Variants in COL18A1 observed in about 807,000 individuals in gnomAD.
COL18A1 encodes collagen alpha-1(XVIII) chain.
Under a neutral mutation model 168.0 loss-of-function variants are expected in COL18A1, and 133 were observed. That is an observed-to-expected ratio of 0.79 (90% CI 0.69 to 0.91). The LOEUF is 0.91. COL18A1 is among the 40% of genes least tolerant of loss of function. The pLI, the probability that COL18A1 is intolerant of heterozygous loss-of-function variation, is 0.00. For synonymous variants in COL18A1, 949 were observed against 809.0 expected (o/e 1.17, Z -2.94); for missense variants, 2,126 against 1,925.4 (o/e 1.10, Z -1.95).
At chr21:45,483,664 C>T (rs962440501) in intron 15 of COL18A1, among the ~76,000 whole-genome samples, 1 of 144,630 alleles carries the variant, frequency 6.9e-6, no homozygotes. Flanking sequence ...TCCAAAACGT[C>T]AGGAGCTCCT....
In COL18A1 at chr21:45,497,605, A is replaced by AG; in HGVS notation, c.2630dup (p.Pro879SerfsTer22). The AG allele has an allele frequency of 1.3e-6, 2 of 1,562,422 alleles. No individual in the cohort carries two copies. Among genetic ancestry groups the AG allele is most frequent in the Non-Finnish European group, 1.7e-6 (2 of 1,153,766 alleles). ...TGGGTCTCTCTTCCTCCAGGGAATC[A>AG]GGGCCCTCCAGGACCCAAGGGCGCC... On this transcript the variant is annotated frameshift_variant, in exon 32 of 42. Transcript: ENST00000651438. LOFTEE classifies it high-confidence loss of function.
intron 37 of COL18A1, 164 bp from the exon 38 acceptor site, chr21:45,507,397 T>G: frequency 1.9e-6 from 1 of 524,168 alleles, no homozygotes; most frequent in Non-Finnish European, 3.2e-6. Context: ...GCAGGGAGCG[T>G]ACCCTGGCAC....
At chr21:45,472,225 T>G (rs2035458795) in intron 3 of COL18A1, among the ~76,000 whole-genome samples, 1 of 151,562 alleles carries the variant, frequency 6.6e-6, no homozygotes, top group African/African-American at 2.4e-5. Context: ...GCAGTTTTTT[T>G]TTTTTGTTTT....
intron 29 of COL18A1, 126 bp from the exon 30 acceptor site, chr21:45,496,373 GT>G: frequency 1.3e-6 from 1 of 761,474 alleles, no homozygotes; most frequent in Non-Finnish European, 2.4e-6. Flanking sequence ...TGCATTCTCG[GT>G]TTTGCCTGGT....
rs1182185761 is a variant in COL18A1, at chr21:45,490,306, TC to T, written c.1995del (p.Gly666AlafsTer58). 1 of 1,587,644 alleles carries T rather than the reference TC, an allele frequency of 6.3e-7. No individual in the cohort carries two copies. Among genetic ancestry groups the T allele is most frequent in the South Asian group, 1.1e-5 (1 of 87,296 alleles). On this transcript the variant is annotated frameshift_variant, in exon 20 of 42. Transcript: ENST00000651438. LOFTEE classifies it high-confidence loss of function. ...GEVGADGVPGFPGLPGREGIA... is the reference protein window; with the variant it reads ...GEVGADGVPGXPGLPGREGIA... ...GTTGGAGCAGATGGAGTCCCCGGGT[TC>T]CCCGGCCTCCCTGGCAGAGAGGGCA...
At chr21:45,486,813 C>A in intron 15 of COL18A1, 48 bp from the exon 16 acceptor site, 1 of 1,524,652 alleles carries the variant, frequency 6.6e-7, no homozygotes, top group South Asian at 1.2e-5. Context: ...GTTGCAGGGC[C>A]AGCGGGGGCT....
chr21:45,500,278 AGTG>A lies in COL18A1; in HGVS notation c.2683+2619_2683+2621del, dbSNP rs1448729565. Among the ~76,000 whole-genome samples the A allele has an allele frequency of 2.5e-4, 4 of 16,110 alleles. No individual in the cohort carries two copies. In the East Asian group the frequency reaches 4.7e-3, roughly 19 times the overall value. 10.6% of individuals were successfully genotyped at this position (16,110 alleles called of 152,430 possible). A position where few individuals can be genotyped will look rare whatever the true frequency, so the allele number is the denominator to read the frequency against. On this transcript the variant is annotated intron_variant, in intron 32 of 41. Coordinates refer to ENST00000651438, the MANE Select transcript of COL18A1 (RefSeq NM_001379500.1). ...GTGCATATGTGGGTGTTGGGTGTGT[AGTG>A]GGGGTGTGTGGAGTGTATATGTGGG...
chr21:45,499,842 CAT>C (rs1336603786), intron 32 of COL18A1, among the ~76,000 whole-genome samples: 1 of 152,104 alleles, frequency 6.6e-6, no homozygotes, highest in East Asian at 1.9e-4. Context: ...GAAGGCAAAA[CAT>C]GAGAGAAAAA....
chr21:45,433,412 G>C (rs1453071414), intron 2 of COL18A1, among the ~76,000 whole-genome samples: 1 of 152,208 alleles, frequency 6.6e-6, no homozygotes, highest in East Asian at 1.9e-4. Context: ...CTTTGTGTGC[G>C]TCTGTGCCTG....
chr21:45,417,080 T>C (rs1602338434), intron 2 of COL18A1, among the ~76,000 whole-genome samples: 1 of 152,200 alleles, frequency 6.6e-6, no homozygotes, highest in East Asian at 1.9e-4. Context: ...TCGGTGTTCT[T>C]GGTTGCTTTT....
At chr21:45,503,710 A>T (rs372815086) in intron 32 of COL18A1, among the ~76,000 whole-genome samples, 21 of 151,756 alleles carry the variant, frequency 1.4e-4, no homozygotes, top group East Asian at 7.8e-4. Flanking sequence ...TGGGTGCAGC[A>T]CACCAGCATG....
intron 2 of COL18A1, among the ~76,000 whole-genome samples, chr21:45,436,959 G>A (rs1300402480): frequency 1.3e-5 from 2 of 151,968 alleles, no homozygotes; most frequent in East Asian, 1.9e-4. Flanking sequence ...TGGCTGGGGA[G>A]CAGCTGGCTG....
chr21:45,501,913 C>T (rs36192329), intron 32 of COL18A1, among the ~76,000 whole-genome samples: 75 of 97,694 alleles, frequency 7.7e-4, no homozygotes, highest in South Asian at 1.1e-3. Flanking sequence ...CCCAGGGGCT[C>T]CACAGCCGGT....
rs1157298623 is a variant in COL18A1, at chr21:45,457,236, C to T, written c.107-11006C>T. Reference sequence around the variant, plus strand: ...GGCGTGGGGCAGTGGCGTGACTCACCCCAGGGAGCCGAGATTCCCGCTCAG... The same window carrying T: ...GGCGTGGGGCAGTGGCGTGACTCACTCCAGGGAGCCGAGATTCCCGCTCAG... On this transcript the variant is annotated intron_variant, in intron 2 of 41. Coordinates refer to ENST00000651438, the MANE Select transcript of COL18A1 (RefSeq NM_001379500.1). The surrounding 1 kb of genome is among the most constrained non-coding windows in gnomAD (Gnocchi z 4.6). Among the ~76,000 whole-genome samples, 2 of 152,186 alleles carry T rather than the reference C, an allele frequency of 1.3e-5. No homozygotes were observed. Among genetic ancestry groups the T allele is most frequent in the Admixed American group, 1.3e-4 (2 of 15,282 alleles).
At chr21:45,491,379 C>T (rs187963648) in intron 22 of COL18A1, 65 bp downstream of exon 22, 15,685 of 762,294 alleles carry the variant, frequency 0.021, 203 homozygotes, top group Non-Finnish European at 0.025. Context: ...AGAGATCCCT[C>T]CCCGAGCCCC....
rs1164139386 is a variant in COL18A1, at chr21:45,513,717, C to T, written c.*1319C>T. The T allele has an allele frequency of 6.6e-6, 1 of 152,278 alleles. No homozygotes were observed. The highest frequency in any genetic ancestry group is 2.4e-5 in the African/African-American group (1 of 41,472). 9.4% of individuals were successfully genotyped at this position (152,278 alleles called of 1,614,324 possible). A position where few individuals can be genotyped will look rare whatever the true frequency, so the allele number is the denominator to read the frequency against. The stretch of plus-strand genomic sequence containing the variant: ...AGGCAAATAAAAGTGACCTTTTACA[C>T]TGACTCTTGGTTTGCAAGCAGCCTT... On this transcript the variant is annotated 3_prime_UTR_variant, in exon 42 of 42. Transcript: ENST00000651438.
Position 45,512,480 on chromosome 21 carries a change from CCCTGGCCCCAGGA to C in COL18A1, c.*89_*101del. On this transcript the variant is annotated 3_prime_UTR_variant, in exon 42 of 42. Coordinates refer to ENST00000651438, the MANE Select transcript of COL18A1 (RefSeq NM_001379500.1). ...CGTGGGCAGGGAGCGGCCGGCCAGC[CCCTGGCCCCAGGA>C]CCTGGCTGCCATACTTTCCTGTATA... 3.6e-6 allele frequency: 5 copies of C among 1,370,208 alleles called. No individual in the cohort carries two copies. The highest frequency in any genetic ancestry group is 4.1e-6 in the Non-Finnish European group (4 of 983,206). The allele number at this position is 1,370,208 out of a possible 1,614,324, so 84.9% of individuals were successfully genotyped here.
intron 2 of COL18A1, among the ~76,000 whole-genome samples, chr21:45,467,734 C>T (rs950688547): frequency 6.6e-6 from 1 of 152,128 alleles, no homozygotes; most frequent in African/African-American, 2.4e-5. Flanking sequence ...GGGTGCCGGC[C>T]TGGGCTGCTC....
chr21:45,437,365 C>T (rs1250460232), intron 2 of COL18A1, among the ~76,000 whole-genome samples: 1 of 126,494 alleles, frequency 7.9e-6, no homozygotes, highest in Admixed American at 7.4e-5. Flanking sequence ...TGCGCACACA[C>T]ACACACTCAG....
Sources: allele counts gnomAD v4.1 joint callset (sites outside exome capture counted in the v4.1 genomes callset), GRCh38; gene constraint gnomAD v4.1.1; non-coding constraint Gnocchi (gnomAD v3.1); transcripts MANE v1.5; gene names NCBI Gene and HGNC (gene_info 2026-07-23, HGNC 2026-07-21).